The following MAML3 variants were observed in gnomAD, a reference collection of about 807,000 sequenced individuals.
The protein encoded by MAML3 is mastermind like transcriptional coactivator 3.
Under a neutral mutation model 101.9 loss-of-function variants are expected in MAML3, and 27 were observed. The ratio of observed to expected loss-of-function variants is 0.27; its 90% CI spans 0.20 to 0.37. The LOEUF is 0.37. Among genes scored for constraint, MAML3 ranks in the 10% least tolerant of loss-of-function variants. The pLI is 1.00. For synonymous variants in MAML3, 501 were observed against 555.9 expected, an observed-to-expected ratio of 0.90 and a Z score of 1.39; for missense variants, 1,316 against 1,444.9, an observed-to-expected ratio of 0.91 and a Z score of 1.45.
chr4:140,021,760 G>A (rs1317173846), intron 1 of MAML3, among the ~76,000 whole-genome samples: 1 of 151,680 alleles, frequency 6.6e-6, no homozygotes, highest in African/African-American at 2.4e-5. Flanking sequence ...TTCTTCCTCC[G>A]CTTCCTGGTG....
At chr4:139,793,391 G>A (rs912946811) in intron 2 of MAML3, among the ~76,000 whole-genome samples, 7 of 152,106 alleles carry the variant, frequency 4.6e-5, no homozygotes, top group Non-Finnish European at 8.8e-5. Flanking sequence ...TTGACTTTGT[G>A]GAACTGCAAG....
intron 1 of MAML3, among the ~76,000 whole-genome samples, chr4:140,089,930 G>A (rs74602210): frequency 0.059 from 9,013 of 152,256 alleles, 376 homozygotes; most frequent in South Asian, 0.093. Flanking sequence ...ACCCTATGTG[G>A]TAGCGGTTAA....
At chr4:140,064,250 GA>G (rs528250984) in intron 1 of MAML3, among the ~76,000 whole-genome samples, 9 of 151,864 alleles carry the variant, frequency 5.9e-5, no homozygotes, top group Middle Eastern at 3.4e-3. Context: ...GGTATTTCAG[GA>G]AAAAAAATGT....
intron 2 of MAML3, 21 bp from the exon 3 acceptor site, chr4:139,730,688 G>C: frequency 6.3e-7 from 1 of 1,599,156 alleles, no homozygotes; most frequent in Non-Finnish European, 8.5e-7. Context: ...AAGAGAGAGG[G>C]AGATGCAGGG....
At chr4:140,066,644 G>A (rs938682677) in intron 1 of MAML3, among the ~76,000 whole-genome samples, 2 of 152,112 alleles carry the variant, frequency 1.3e-5, no homozygotes, top group African/African-American at 4.8e-5. Context: ...AAAAAAAATC[G>A]TATTGCTGAA....
rs1174116652 is a variant in MAML3 at position 139,730,601 on chromosome 4, C to G, written c.2146G>C (p.Gly716Arg). The G allele has an allele frequency of 6.2e-7, 1 of 1,611,564 alleles. No homozygotes were observed. Among genetic ancestry groups the G allele is most frequent in the Non-Finnish European group, 8.5e-7 (1 of 1,179,184 alleles). ...PMQSSVPPGS[G>R]GMVSGASPAG... Reference sequence around the variant, plus strand: ...GGACTGGCTCCTGAGACCATGCCACCTGAGCCTGGGGGCACGGAGGACTGC... The same window carrying G: ...GGACTGGCTCCTGAGACCATGCCACGTGAGCCTGGGGGCACGGAGGACTGC... Residue 716 changes from glycine to arginine, a missense_variant, in exon 3 of 5, where the codon GGT becomes CGT. By Grantham distance (125) the Gly-to-Arg change is moderately radical (BLOSUM62 -2). Transcript: ENST00000509479.
intron 2 of MAML3, among the ~76,000 whole-genome samples, chr4:139,863,278 T>G (rs1731820940): frequency 6.6e-6 from 1 of 152,102 alleles, no homozygotes; most frequent in Non-Finnish European, 1.5e-5. Context: ...TAAGTCTTAT[T>G]CTTTGTTCAT....
chr4:139,945,698 C>T (rs1733714041), intron 1 of MAML3, among the ~76,000 whole-genome samples: 1 of 152,060 alleles, frequency 6.6e-6, no homozygotes, highest in Admixed American at 6.6e-5. Context: ...TAAATTTGTC[C>T]AATGTGTATT....
At chr4:139,938,309 C>T (rs1028604804) in intron 1 of MAML3, among the ~76,000 whole-genome samples, 1 of 152,132 alleles carries the variant, frequency 6.6e-6, no homozygotes. Flanking sequence ...GAGACCCTAC[C>T]GACCATCTAG....
At chr4:140,100,486 G>T (rs1728236350) in intron 1 of MAML3, among the ~76,000 whole-genome samples, 2 of 152,144 alleles carry the variant, frequency 1.3e-5, no homozygotes, top group African/African-American at 4.8e-5. Context: ...GAGGATAGAA[G>T]TAACTAAACA....
intron 2 of MAML3, among the ~76,000 whole-genome samples, chr4:139,733,653 A>C (rs1026376092): frequency 6.6e-6 from 1 of 151,840 alleles, no homozygotes; most frequent in Admixed American, 6.6e-5. Flanking sequence ...TTCTCACTGA[A>C]GACCTACAGG....
At chr4:140,061,101 A>G (rs1727441147) in intron 1 of MAML3, among the ~76,000 whole-genome samples, 1 of 152,210 alleles carries the variant, frequency 6.6e-6, no homozygotes, top group African/African-American at 2.4e-5. Context: ...GGTCCCCACA[A>G]GCAGAATTGG....
intron 2 of MAML3, among the ~76,000 whole-genome samples, chr4:139,799,488 G>C: frequency 6.6e-6 from 1 of 152,174 alleles, no homozygotes; most frequent in East Asian, 1.9e-4. Context: ...AGGAAAAATA[G>C]ATAGATACTT....
At chr4:139,783,749 T>G (rs1172528582) in intron 2 of MAML3, among the ~76,000 whole-genome samples, 1 of 152,198 alleles carries the variant, frequency 6.6e-6, no homozygotes, top group African/African-American at 2.4e-5. Context: ...TTGTGGCCCC[T>G]TGGAAACCCC....
intron 1 of MAML3, among the ~76,000 whole-genome samples, chr4:140,133,567 T>C (rs1382407485): frequency 2.0e-5 from 3 of 152,050 alleles, no homozygotes. Flanking sequence ...TAAATAATTA[T>C]AATACAAATC....
intron 2 of MAML3, among the ~76,000 whole-genome samples, chr4:139,844,308 A>C (rs985135872): frequency 4.6e-5 from 7 of 152,224 alleles, no homozygotes; most frequent in African/African-American, 1.7e-4. Flanking sequence ...CATCCCTACT[A>C]ATCAGACACT....
intron 1 of MAML3, among the ~76,000 whole-genome samples, chr4:139,891,667 A>G (rs1360666726): frequency 6.6e-6 from 1 of 152,258 alleles, no homozygotes; most frequent in Non-Finnish European, 1.5e-5. Context: ...GAGAACATCA[A>G]GGAATTAAAT....
chr4:139,968,752 C>T (rs1209664524), intron 1 of MAML3, among the ~76,000 whole-genome samples: 3 of 152,130 alleles, frequency 2.0e-5, no homozygotes, highest in Admixed American at 1.3e-4. Context: ...CTCTTAACTA[C>T]CATCTCTCAG....
chr4:139,998,040 A>G (rs531540293), intron 1 of MAML3, among the ~76,000 whole-genome samples: 18 of 152,130 alleles, frequency 1.2e-4, no homozygotes, highest in Non-Finnish European at 2.2e-4. Context: ...GGGTGTGTAT[A>G]TTAAGGAATT....
Sources: gnomAD v4.1 joint callset for allele counts (sites outside exome capture counted in the v4.1 genomes callset) on GRCh38, gnomAD v4.1.1 for gene constraint, MANE v1.5 for transcripts, NCBI Gene and HGNC (gene_info 2026-07-23, HGNC 2026-07-21) for gene names.